KMT2C: variants seen among roughly 807,000 people sequenced by gnomAD.
KMT2C encodes lysine methyltransferase 2C.
Under a neutral mutation model 507.9 loss-of-function variants are expected in KMT2C, and 88 were observed. The ratio of observed to expected loss-of-function variants is 0.17; its 90% confidence interval spans 0.15 to 0.21. KMT2C has a LOEUF of 0.21. Ranked by LOEUF, KMT2C falls within the 10% of genes least tolerant of loss-of-function variation. The pLI is 1.00. For missense variants in KMT2C, 4,954 were observed against 5,957.8 expected, an observed-to-expected ratio of 0.83 and a Z score of 5.55; for synonymous variants, 2,049 against 2,080.8, an observed-to-expected ratio of 0.98 and a Z score of 0.42.
intron 6 of KMT2C, among the ~76,000 whole-genome samples, chr7:152,289,101 A>G (rs2096360724): frequency 6.6e-6 from 1 of 152,296 alleles, no homozygotes; most frequent in South Asian, 2.1e-4. Flanking sequence ...GGAAGAAAGA[A>G]CAAACAAATA....
rs75504874 is a variant in KMT2C at position 152,372,953 on chromosome 7, G to T, written c.162-14278C>A. 9.1e-3 allele frequency among the ~76,000 whole-genome samples: 1,380 copies of T among 152,232 alleles called. 30 individuals are homozygous for T. The highest frequency in any genetic ancestry group is 0.072 in the East Asian group (372 of 5,180). On this transcript the variant is annotated intron_variant, in intron 1 of 58. Coordinates refer to ENST00000262189, the MANE Select transcript of KMT2C (RefSeq NM_170606.3). ...GAATATTCTCCAGGATAGATCATAT[G>T]TTAGGCCACAAAACAAGTTTTAACA... is the stretch of plus-strand genomic sequence containing the variant.
At chr7:152,178,833 T>A (rs1222880184) in intron 37 of KMT2C, among the ~76,000 whole-genome samples, 1 of 152,186 alleles carries the variant, frequency 6.6e-6, no homozygotes, top group East Asian at 1.9e-4. Flanking sequence ...AAGAACTATT[T>A]CCTTATTATA....
At position 152,187,320 on chromosome 7, in the gene KMT2C, A is replaced by C. The variant is rs1392350117; in HGVS notation, c.4950T>G (p.Thr1650=). Residue 1650 remains threonine (T), a synonymous_variant, in exon 33 of 59, where the codon ACT becomes ACG. Transcript: ENST00000262189. ...TATTGGTGTAGAGAACTGGGGCAACAGTTGCCATTTCACCCAGAGCCTCCT... is the reference window on the plus strand; with the variant it reads ...TATTGGTGTAGAGAACTGGGGCAACCGTTGCCATTTCACCCAGAGCCTCCT... The part of the protein sequence containing the change: ...EKEEALGEMA[T]VAPVLYTNIN... 3 of 1,614,046 alleles carry C rather than the reference A, an allele frequency of 1.9e-6. No individual in the cohort carries two copies. The highest frequency in any genetic ancestry group is 2.5e-6 in the Non-Finnish European group (3 of 1,179,994).
At chr7:152,346,452 T>G (rs2097058277) in intron 2 of KMT2C, among the ~76,000 whole-genome samples, 1 of 152,034 alleles carries the variant, frequency 6.6e-6, no homozygotes, top group Non-Finnish European at 1.5e-5. Context: ...CCCAAAATAC[T>G]GAGACATTAA....
At chr7:152,420,759 C>A (rs983974923) in intron 1 of KMT2C, among the ~76,000 whole-genome samples, 7 of 151,544 alleles carry the variant, frequency 4.6e-5, no homozygotes, top group Non-Finnish European at 1.0e-4. Flanking sequence ...TGCTTGAACC[C>A]GGGAGGCACA....
chr7:152,416,765 G>A (rs2097742342), intron 1 of KMT2C, among the ~76,000 whole-genome samples: 1 of 146,144 alleles, frequency 6.8e-6, no homozygotes, highest in Non-Finnish European at 1.5e-5. Context: ...AAAAATAAGA[G>A]ATCAAGCCGG....
chr7:152,428,588 A>C (rs2097842941), intron 1 of KMT2C, among the ~76,000 whole-genome samples: 1 of 151,748 alleles, frequency 6.6e-6, no homozygotes, highest in Admixed American at 6.6e-5. Context: ...CCGAGATCAC[A>C]CCATTGCACT....
chr7:152,155,867 G>T, intron 46 of KMT2C, 43 bp downstream of exon 46: 2 of 1,542,814 alleles, frequency 1.3e-6, no homozygotes, highest in Non-Finnish European at 1.7e-6. Flanking sequence ...TTTTTTAAAA[G>T]AAGAAATAAC....
In KMT2C at chr7:152,310,005, T is replaced by G; in HGVS notation, c.810A>C (p.Leu270Phe). The part of the protein sequence containing the change: ...LGVCQMEEPL[L>F]VNVDKAVVSG... The stretch of plus-strand genomic sequence containing the variant: ...AGACAACAGCTTTGTCCACGTTCAC[T>G]AACAATGGTTCTTCCATCTGGCATA... Residue 270 changes from leucine to phenylalanine, a missense_variant, in exon 6 of 59, where the codon TTA becomes TTC. By Grantham distance (22) the Leu-to-Phe change is conservative. Transcript: ENST00000262189. 1 of 1,613,794 alleles carries G rather than the reference T, an allele frequency of 6.2e-7. No individual in the cohort carries two copies. The highest frequency in any genetic ancestry group is 8.5e-7 in the Non-Finnish European group (1 of 1,179,714).
At chr7:152,151,094 C>G (rs1170636853) in intron 50 of KMT2C, 87 bp from the exon 51 acceptor site, 2 of 778,664 alleles carry the variant, frequency 2.6e-6, no homozygotes, top group Non-Finnish European at 4.1e-6. Context: ...ATGTTATATT[C>G]AAAAGTGACA....
intron 6 of KMT2C, among the ~76,000 whole-genome samples, chr7:152,297,061 G>C (rs866967973): frequency 0.05 from 5,558 of 110,494 alleles, 265 homozygotes; most frequent in African/African-American, 0.14. Flanking sequence ...AAGACAGAGA[G>C]AGAGAGAGAG....
At chr7:152,420,466 T>C (rs1204571882) in intron 1 of KMT2C, among the ~76,000 whole-genome samples, 1 of 152,202 alleles carries the variant, frequency 6.6e-6, no homozygotes, top group Admixed American at 6.6e-5. Flanking sequence ...CGGGAACTTC[T>C]GCACAGCAAA....
In KMT2C at chr7:152,252,005, G is replaced by A. The variant is rs2129166554; in HGVS notation, c.1555C>T (p.His519Tyr). Residue 519 changes from histidine to tyrosine, a missense_variant, in exon 11 of 59, where the codon CAC (histidine) becomes TAC (tyrosine). By Grantham distance (83) the His-to-Tyr change is moderately conservative. Transcript: ENST00000262189. ...AAACGATCCATCTCAGCTCCCAGGTGTTTACAATACATGCAGATATACTCT... is the reference window on the plus strand; with the variant it reads ...AAACGATCCATCTCAGCTCCCAGGTATTTACAATACATGCAGATATACTCT... Reference protein sequence around the residue: ...KEEYICMYCKHLGAEMDRLQP... With the variant: ...KEEYICMYCKYLGAEMDRLQP... The A allele has an allele frequency of 6.2e-7, 1 of 1,613,168 alleles. No individual in the cohort carries two copies. The highest frequency in any genetic ancestry group is 8.5e-7 in the Non-Finnish European group (1 of 1,179,498).
At chr7:152,201,379 C>G (rs2094136445) in intron 26 of KMT2C, among the ~76,000 whole-genome samples, 1 of 151,176 alleles carries the variant, frequency 6.6e-6, no homozygotes, top group South Asian at 2.1e-4. Flanking sequence ...GCCCAGGAGA[C>G]TAAGATCACA....
Position 152,327,969 on chromosome 7 carries a change from A to AAG in KMT2C, c.389+2631_389+2632insCT, listed in dbSNP as rs1554648235. On this transcript the variant is annotated intron_variant, in intron 3 of 58. Coordinates refer to ENST00000262189, the MANE Select transcript of KMT2C (RefSeq NM_170606.3). Reference sequence around the variant, plus strand: ...CGAGACTCCGCCTCAAAAAAAAAAAAAAAAAAGAAAAAAGAAAAAAAAATT... The same window carrying AAG: ...CGAGACTCCGCCTCAAAAAAAAAAAAAGAAAAAAGAAAAAAGAAAAAAAAATT... Among the ~76,000 whole-genome samples the AAG allele has an allele frequency of 2.0e-5, 3 of 151,366 alleles. No individual in the cohort carries two copies. The East Asian group carries it at 5.8e-4, about 29-fold the overall frequency.
chr7:152,434,945 C>T (rs1427328030), intron 1 of KMT2C, among the ~76,000 whole-genome samples: 11 of 152,142 alleles, frequency 7.2e-5, no homozygotes, highest in Admixed American at 6.5e-4. Context: ...CTTAGGCAGG[C>T]CGTTCCCCGA....
chr7:152,413,913 A>C (rs551037017), intron 1 of KMT2C, among the ~76,000 whole-genome samples: 15 of 149,344 alleles, frequency 1.0e-4, no homozygotes, highest in Non-Finnish European at 2.1e-4. Flanking sequence ...TACAAAAGTC[A>C]TTTAGAAAAT....
chr7:152,308,843 G>T (rs573343545), intron 6 of KMT2C, among the ~76,000 whole-genome samples: 2 of 152,056 alleles, frequency 1.3e-5, no homozygotes, highest in East Asian at 3.9e-4. Flanking sequence ...TAAGAAAAAA[G>T]AAAAAGAAAA....
intron 41 of KMT2C, among the ~76,000 whole-genome samples, chr7:152,168,887 G>C (rs978045668): frequency 2.0e-5 from 3 of 152,174 alleles, no homozygotes; most frequent in African/African-American, 7.2e-5. Flanking sequence ...TAGTTCTATA[G>C]ACTGTAAAGT....
Sources: allele counts gnomAD v4.1 joint callset (sites outside exome capture counted in the v4.1 genomes callset), GRCh38; gene constraint gnomAD v4.1.1; transcripts MANE v1.5; gene names NCBI Gene and HGNC (gene_info 2026-07-23, HGNC 2026-07-21).